FOXN3: variants seen among roughly 807,000 people sequenced by gnomAD.
FOXN3 encodes the protein forkhead box N3.
Under a neutral mutation model 38.4 loss-of-function variants are expected in FOXN3, and 7 were observed. The observed-to-expected ratio is 0.18, with a 90% CI of 0.10 to 0.34. The LOEUF (loss-of-function observed/expected upper bound fraction) is 0.34, where lower values mean the gene tolerates loss of function less well. Ranked by LOEUF, FOXN3 falls within the 10% of genes least tolerant of loss-of-function variation. The probability of loss-of-function intolerance (pLI) is 1.00; values close to 1 mark genes in which losing one functional copy is unlikely to be tolerated. For synonymous variants in FOXN3, 230 were observed against 242.2 expected (o/e 0.95, Z 0.47); for missense variants, 456 against 613.4 (o/e 0.74, Z 2.71).
upstream of FOXN3, among the ~76,000 whole-genome samples, chr14:89,418,887 C>T (rs1482124605): frequency 1.3e-5 from 2 of 152,140 alleles, no homozygotes; most frequent in South Asian, 2.1e-4. Flanking sequence ...CTAGAGAGGA[C>T]GAAGTCGCCC....
Position 89,325,366 on chromosome 14 carries a change from A to G in FOXN3, c.680+25306T>C, listed in dbSNP as rs1278284418. ...CACCACCACCACCACCACCACTACC[A>G]CCACCGCCACCACCACCATCACCAC... On this transcript the variant is annotated intron_variant, in intron 3 of 5. Coordinates refer to ENST00000557258, the MANE Select transcript of FOXN3 (RefSeq NM_005197.4). 2.0e-4 allele frequency among the ~76,000 whole-genome samples: 28 copies of G among 138,340 alleles called. 1 individual carries two copies. Among genetic ancestry groups the G allele is most frequent in the Admixed American group, 7.4e-5 (1 of 13,576 alleles). The allele number at this position is 138,340 out of a possible 152,430, so 90.8% of individuals were successfully genotyped here. A position where few individuals can be genotyped will look rare whatever the true frequency, so the allele number is the denominator to read the frequency against.
At chr14:89,590,007 C>T (rs1317761076) in intron 1 of FOXN3, among the ~76,000 whole-genome samples, 1 of 152,070 alleles carries the variant, frequency 6.6e-6, no homozygotes, top group African/African-American at 2.4e-5. Flanking sequence ...GGACTGATGC[C>T]GGGCAGGCCC....
chr14:89,583,580 A>G (rs1430919644), intron 1 of FOXN3, among the ~76,000 whole-genome samples: 7 of 152,092 alleles, frequency 4.6e-5, no homozygotes, highest in African/African-American at 1.7e-4. Context: ...TTGTTTTTTG[A>G]AATGGAGTCT....
intron 3 of FOXN3, among the ~76,000 whole-genome samples, chr14:89,319,267 G>A (rs1459155408): frequency 6.6e-6 from 1 of 152,138 alleles, no homozygotes; most frequent in Non-Finnish European, 1.5e-5. Flanking sequence ...GTACAGTCAT[G>A]CTCATGGCTA....
chr14:89,562,525 G>T (rs1407247189), intron 1 of FOXN3, among the ~76,000 whole-genome samples: 1 of 152,154 alleles, frequency 6.6e-6, no homozygotes, highest in Non-Finnish European at 1.5e-5. Flanking sequence ...GTCCCCAAGT[G>T]CTGGGATTAC....
chr14:89,422,482 G>A (rs967523260), intron 1 of FOXN3, among the ~76,000 whole-genome samples: 2 of 152,212 alleles, frequency 1.3e-5, no homozygotes, highest in Admixed American at 6.5e-5. Flanking sequence ...TCAAATGATT[G>A]AATATGAGAA....
intron 2 of FOXN3, among the ~76,000 whole-genome samples, chr14:89,390,802 C>T (rs1890923359): frequency 6.6e-6 from 1 of 152,172 alleles, no homozygotes; most frequent in Non-Finnish European, 1.5e-5. Flanking sequence ...AGGGTGAGAG[C>T]TGCCCCCGCA....
chr14:89,606,688 A>G (rs190314239), intron 1 of FOXN3, among the ~76,000 whole-genome samples: 2 of 152,130 alleles, frequency 1.3e-5, no homozygotes, highest in Admixed American at 1.3e-4. Flanking sequence ...CAACTCTACC[A>G]AAAGTATAAA....
rs1596216439 is a variant in FOXN3, at chr14:89,360,723, ACCACCACCACCTCCAGCACCACCT to A, written c.544-9939_544-9916del. Among the ~76,000 whole-genome samples, 10 of 131,768 alleles carry A rather than the reference ACCACCACCACCTCCAGCACCACCT, an allele frequency of 7.6e-5. 1 individual carries two copies. Among genetic ancestry groups the A allele is most frequent in the South Asian group, 2.4e-4 (1 of 4,168 alleles). 86.4% of individuals were successfully genotyped at this position (131,768 alleles called of 152,430 possible). On this transcript the variant is annotated intron_variant, in intron 2 of 5. Transcript: ENST00000557258. Reference sequence around the variant, plus strand: ...TACCACCACCTCCAGCACTACCTCCACCACCACCACCTCCAGCACCACCTCCACCACCACCTCCACCACTACCAC... The same window carrying A: ...TACCACCACCTCCAGCACTACCTCCACCACCACCACCTCCACCACTACCAC...
chr14:89,393,161 G>C (rs1158720584), intron 2 of FOXN3, among the ~76,000 whole-genome samples: 1 of 151,622 alleles, frequency 6.6e-6, no homozygotes, highest in Non-Finnish European at 1.5e-5. Context: ...GGCTGGTCTC[G>C]AACTCCTGAC....
At chr14:89,427,472 A>AT (rs1195606471) in intron 1 of FOXN3, among the ~76,000 whole-genome samples, 10,693 of 124,720 alleles carry the variant, frequency 0.086, 566 homozygotes, top group East Asian at 0.12. Context: ...CGCCCGGCTG[A>AT]TTTTTTTTTT....
At chr14:89,310,039 C>T (rs542136667) in intron 3 of FOXN3, among the ~76,000 whole-genome samples, 2 of 152,354 alleles carry the variant, frequency 1.3e-5, no homozygotes, top group African/African-American at 4.8e-5. Flanking sequence ...GTGACCAATG[C>T]TCCTGGCCAG....
chr14:89,452,543 C>T (rs1301961801), intron 1 of FOXN3, among the ~76,000 whole-genome samples: 1 of 152,182 alleles, frequency 6.6e-6, no homozygotes, highest in African/African-American at 2.4e-5. Context: ...TGCTCTAAAG[C>T]CTGCTGGGGA....
chr14:89,413,992 A>T (rs908688231), intron 1 of FOXN3, among the ~76,000 whole-genome samples: 71 of 150,644 alleles, frequency 4.7e-4, no homozygotes, highest in African/African-American at 1.7e-3. Context: ...GAGGAGAAGA[A>T]GGAGGAGGGA....
intron 4 of FOXN3, among the ~76,000 whole-genome samples, chr14:89,252,789 G>A (rs1009139633): frequency 6.6e-6 from 1 of 152,124 alleles, no homozygotes; most frequent in African/African-American, 2.4e-5. Context: ...GGAATAAAGA[G>A]TTAAAGTATG....
intron 1 of FOXN3, among the ~76,000 whole-genome samples, chr14:89,522,577 G>A (rs1388712203): frequency 2.0e-5 from 3 of 152,038 alleles, no homozygotes; most frequent in Non-Finnish European, 4.4e-5. Flanking sequence ...TAAAACATAT[G>A]TCAACAACAA....
intron 1 of FOXN3, among the ~76,000 whole-genome samples, chr14:89,612,821 T>G (rs1003450060): frequency 4.1e-5 from 6 of 147,166 alleles, no homozygotes; most frequent in African/African-American, 1.5e-4. Context: ...AGTGAGACCC[T>G]GCTTAAAAAA....
At chr14:89,299,975 C>T (rs755314980) in intron 3 of FOXN3, among the ~76,000 whole-genome samples, 3 of 152,188 alleles carry the variant, frequency 2.0e-5, no homozygotes, top group Non-Finnish European at 4.4e-5. Flanking sequence ...GCTGGCCACA[C>T]TTGCATCTTC....
intron 4 of FOXN3, among the ~76,000 whole-genome samples, chr14:89,245,596 C>G (rs1885270287): frequency 6.6e-6 from 1 of 152,098 alleles, no homozygotes; most frequent in African/African-American, 2.4e-5. Context: ...GGGTTATAAA[C>G]CACTTATGAA....
Sources: gnomAD v4.1 joint callset for allele counts (sites outside exome capture counted in the v4.1 genomes callset) on GRCh38, gnomAD v4.1.1 for gene constraint, MANE v1.5 for transcripts, NCBI Gene and HGNC (gene_info 2026-07-23, HGNC 2026-07-21) for gene names.